INPP4B: variants seen among roughly 807,000 people sequenced by gnomAD.
INPP4B encodes the protein inositol polyphosphate 4-phosphatase type II.
A neutral mutation model predicts 122.5 loss-of-function variants in INPP4B; 55 were observed. The ratio of observed to expected loss-of-function variants is 0.45; its 90% CI spans 0.36 to 0.56. INPP4B has a LOEUF of 0.56. INPP4B is among the 20% of genes least tolerant of loss of function. The pLI, the probability that INPP4B is intolerant of heterozygous loss-of-function variation, is 0.00. For missense variants in INPP4B, 1,000 were observed against 1,097.7 expected (o/e 0.91, Z 1.26); for synonymous variants, 403 against 388.7 (o/e 1.04, Z -0.43).
chr4:142,408,206 C>T (rs896027232), intron 5 of INPP4B, among the ~76,000 whole-genome samples: 16 of 151,598 alleles, frequency 1.1e-4, no homozygotes, highest in Admixed American at 3.9e-4. Context: ...AAATCTAATC[C>T]GTATGAGAAT....
chr4:142,067,341 C>T (rs1442294950), intron 25 of INPP4B, among the ~76,000 whole-genome samples: 1 of 152,060 alleles, frequency 6.6e-6, no homozygotes, highest in Admixed American at 6.5e-5. Context: ...TCATCAAAGA[C>T]CAAAGGTAGA....
chr4:142,748,085 T>C (rs796713635), intron 1 of INPP4B, among the ~76,000 whole-genome samples: 2 of 152,162 alleles, frequency 1.3e-5, no homozygotes, highest in African/African-American at 2.4e-5. Flanking sequence ...GAAATTAACT[T>C]AAAAATCTAT....
chr4:142,039,847 A>G (rs2152321908), intron 25 of INPP4B, among the ~76,000 whole-genome samples: 1 of 152,254 alleles, frequency 6.6e-6, no homozygotes, highest in African/African-American at 2.4e-5. Context: ...GTATTTAAAT[A>G]TATGTAAGAT....
chr4:142,191,098 C>T (rs1835613478), intron 15 of INPP4B, among the ~76,000 whole-genome samples: 1 of 152,056 alleles, frequency 6.6e-6, no homozygotes, highest in Admixed American at 6.6e-5. Context: ...TTTTACTTCC[C>T]CTGTTAATCA....
At chr4:142,340,789 G>A (rs1018226644) in intron 7 of INPP4B, among the ~76,000 whole-genome samples, 2 of 152,032 alleles carry the variant, frequency 1.3e-5, no homozygotes, top group Non-Finnish European at 2.9e-5. Context: ...TCAGTGACAT[G>A]ACTAAAGAGG....
chr4:142,052,696 C>T (rs897433659), intron 25 of INPP4B, among the ~76,000 whole-genome samples: 8 of 150,004 alleles, frequency 5.3e-5, no homozygotes, highest in African/African-American at 2.0e-4. Context: ...AAAGAAAAAA[C>T]AGTAGCAGGA....
intron 11 of INPP4B, among the ~76,000 whole-genome samples, chr4:142,242,536 A>G (rs1250875808): frequency 6.6e-6 from 1 of 152,172 alleles, no homozygotes; most frequent in East Asian, 1.9e-4. Context: ...GAAGGATACA[A>G]CTTGTAAAGC....
At chr4:142,336,104 A>C (rs905027330) in intron 7 of INPP4B, among the ~76,000 whole-genome samples, 2 of 152,136 alleles carry the variant, frequency 1.3e-5, no homozygotes, top group Admixed American at 6.5e-5. Context: ...TCCCTCTCAC[A>C]CAGAGGGCTA....
rs544442685 is a variant in INPP4B, at chr4:142,519,223, G to GT, written c.-190-56498dup. ...CACTTTTAAGGAATTAAAACTCTAA[G>GT]TTATTTGTGTCCATTGCTATACCTG... is the stretch of plus-strand genomic sequence containing the variant. On this transcript the variant is annotated intron_variant, in intron 2 of 25. Coordinates refer to ENST00000262992, the MANE Select transcript of INPP4B (RefSeq NM_001101669.3). 3.5e-4 allele frequency among the ~76,000 whole-genome samples: 54 copies of GT among 152,158 alleles called. 1 individual carries two copies. The South Asian group carries it at 0.011, about 31-fold the overall frequency.
chr4:142,156,872 T>C (rs973301207), intron 17 of INPP4B, among the ~76,000 whole-genome samples: 2 of 152,108 alleles, frequency 1.3e-5, no homozygotes, highest in Non-Finnish European at 2.9e-5. Context: ...CAAATACTTA[T>C]TATAAGAAGC....
chr4:142,583,263 T>C (rs745979151), intron 2 of INPP4B, among the ~76,000 whole-genome samples: 1 of 151,964 alleles, frequency 6.6e-6, no homozygotes, highest in Non-Finnish European at 1.5e-5. Context: ...CCCAAGAAAA[T>C]AGTCCCTGTC....
intron 23 of INPP4B, among the ~76,000 whole-genome samples, chr4:142,106,019 G>A (rs918702516): frequency 6.6e-6 from 1 of 152,040 alleles, no homozygotes; most frequent in African/African-American, 2.4e-5. Flanking sequence ...CATCATAATT[G>A]TATAGATTGG....
At chr4:142,358,650 TAA>T (rs11443003) in intron 7 of INPP4B, among the ~76,000 whole-genome samples, 2 of 117,672 alleles carry the variant, frequency 1.7e-5, no homozygotes, top group Non-Finnish European at 1.7e-5. Context: ...CAGTGATTTA[TAA>T]AAAAAAAAAA....
chr4:142,622,868 T>C (rs1014320750), intron 2 of INPP4B, among the ~76,000 whole-genome samples: 1 of 152,026 alleles, frequency 6.6e-6, no homozygotes, highest in Non-Finnish European at 1.5e-5. Context: ...TCACATATTG[T>C]AAGATTCACC....
chr4:142,132,986 C>T (rs530647066), intron 18 of INPP4B, among the ~76,000 whole-genome samples: 15 of 152,258 alleles, frequency 9.9e-5, no homozygotes, highest in South Asian at 2.1e-4. Context: ...CAAAGACATC[C>T]GTACTGCTAA....
chr4:142,573,608 T>C (rs1435448595), intron 2 of INPP4B, among the ~76,000 whole-genome samples: 1 of 152,112 alleles, frequency 6.6e-6, no homozygotes, highest in African/African-American at 2.4e-5. Flanking sequence ...CAAATTCCAT[T>C]TTTAAAAACC....
chr4:142,031,742 C>G (rs962063211), intron 25 of INPP4B, among the ~76,000 whole-genome samples: 1 of 152,048 alleles, frequency 6.6e-6, no homozygotes, highest in African/African-American at 2.4e-5. Context: ...AGAAAAGCTC[C>G]CCTTACATTA....
At chr4:142,359,225 CAAAA>C (rs36016956) in intron 7 of INPP4B, among the ~76,000 whole-genome samples, 1 of 143,748 alleles carries the variant, frequency 7.0e-6, no homozygotes, top group Non-Finnish European at 1.5e-5. Context: ...AACAAACAAA[CAAAA>C]AAAAAAAACA....
chr4:142,399,341 C>T (rs1030945792), intron 7 of INPP4B, among the ~76,000 whole-genome samples: 2 of 151,868 alleles, frequency 1.3e-5, no homozygotes, highest in African/African-American at 2.4e-5. Flanking sequence ...GGATTACAGG[C>T]GTGTGCCACC....
Sources: allele counts gnomAD v4.1 joint callset (sites outside exome capture counted in the v4.1 genomes callset), GRCh38; gene constraint gnomAD v4.1.1; transcripts MANE v1.5; gene names NCBI Gene and HGNC (gene_info 2026-07-23, HGNC 2026-07-21).